FBLIM1: variants seen among roughly 807,000 people sequenced by gnomAD.
FBLIM1 encodes filamin binding LIM protein 1, also known as filamin-binding LIM protein 1.
Under a neutral mutation model 37.4 loss-of-function variants are expected in FBLIM1, and 29 were observed. The observed-to-expected ratio is 0.77, with a 90% CI of 0.58 to 1.06. The LOEUF (loss-of-function observed/expected upper bound fraction) is 1.06. Among genes scored for constraint, FBLIM1 ranks in the 50% least tolerant of loss-of-function variants. FBLIM1 has a pLI of 0.00. For missense variants in FBLIM1, 449 were observed against 505.6 expected (o/e 0.89, Z 1.07); for synonymous variants, 193 against 199.0 (o/e 0.97, Z 0.25).
At position 15,767,276 on chromosome 1, in the gene FBLIM1, G is replaced by A. The variant is rs1411431215; in HGVS notation, c.251-100G>A. 1.8e-5 allele frequency: 20 copies of A among 1,085,886 alleles called. No homozygotes were observed. In the Admixed American group the frequency reaches 2.9e-4, roughly 16 times the overall value. The allele number at this position is 1,085,886 out of a possible 1,614,324, so 67.3% of individuals were successfully genotyped here. Reference sequence around the variant, plus strand: ...AACCCAGGCCGGGGTGATCCCGACCGGGGCCCTCAGCTTCCCTCTGTATGG... The same window carrying A: ...AACCCAGGCCGGGGTGATCCCGACCAGGGCCCTCAGCTTCCCTCTGTATGG... On this transcript the variant is annotated intron_variant, in intron 3 of 8. Transcript: ENST00000375766.
chr1:15,764,051 C>T (rs759728340), intron 1 of FBLIM1, among the ~76,000 whole-genome samples: 2 of 152,208 alleles, frequency 1.3e-5, no homozygotes, highest in Non-Finnish European at 2.9e-5. Context: ...GCCCCCTGCC[C>T]ACTGCCCAGG....
intron 8 of FBLIM1, among the ~76,000 whole-genome samples, chr1:15,781,102 C>T (rs969211628): frequency 6.6e-6 from 1 of 152,078 alleles, no homozygotes; most frequent in South Asian, 2.1e-4. Context: ...GGCATGGTGG[C>T]TCATGCTGGT....
intron 4 of FBLIM1, 71 bp downstream of exon 4, chr1:15,767,634 C>T (rs2068993025): frequency 5.4e-6 from 3 of 558,818 alleles, no homozygotes; most frequent in Non-Finnish European, 9.4e-6. Context: ...TCTGGGCCTT[C>T]TGGGCATTCA....
At chr1:15,771,110 T>G (rs1171615524) in intron 6 of FBLIM1, among the ~76,000 whole-genome samples, 1 of 151,998 alleles carries the variant, frequency 6.6e-6, no homozygotes, top group East Asian at 1.9e-4. Context: ...CGGCTAATTT[T>G]TGTATTTTTG....
chr1:15,782,011 C>T (rs554353830), intron 8 of FBLIM1, among the ~76,000 whole-genome samples: 2 of 152,010 alleles, frequency 1.3e-5, no homozygotes, highest in East Asian at 2.0e-4. Flanking sequence ...AGCCACCGCA[C>T]CTGGCCTGTA....
chr1:15,769,246 G>A (rs1177838590), intron 5 of FBLIM1, among the ~76,000 whole-genome samples: 1 of 152,172 alleles, frequency 6.6e-6, no homozygotes, highest in Non-Finnish European at 1.5e-5. Context: ...GGAGGCTGAG[G>A]CAGGTGGATC....
intron 1 of FBLIM1, among the ~76,000 whole-genome samples, chr1:15,761,333 T>C (rs1368807911): frequency 6.6e-6 from 1 of 152,116 alleles, no homozygotes; most frequent in Admixed American, 6.6e-5. Flanking sequence ...GAATTCCGAG[T>C]GCCATGGATG....
chr1:15,783,128 T>C (rs2069685888), intron 8 of FBLIM1, among the ~76,000 whole-genome samples: 2 of 152,006 alleles, frequency 1.3e-5, no homozygotes, highest in African/African-American at 4.8e-5. Context: ...TCAGTGCAGC[T>C]TCCAAAGGGT....
chr1:15,771,458 G>C (rs1331097753), intron 6 of FBLIM1, among the ~76,000 whole-genome samples: 2 of 151,920 alleles, frequency 1.3e-5, no homozygotes, highest in East Asian at 3.9e-4. Context: ...CTTTGGCCAG[G>C]CTGGTCTCAA....
chr1:15,760,472 G>A (rs1408442954), intron 1 of FBLIM1, among the ~76,000 whole-genome samples: 9 of 145,824 alleles, frequency 6.2e-5, no homozygotes, highest in African/African-American at 2.3e-4. Context: ...GGAGGTTTCA[G>A]TGAGCTGAGA....
intron 8 of FBLIM1, among the ~76,000 whole-genome samples, chr1:15,781,142 G>C (rs988442805): frequency 1.4e-4 from 21 of 152,146 alleles, no homozygotes; most frequent in African/African-American, 5.1e-4. Context: ...GCTGAGGCAG[G>C]CGGTCAAGAG....
intron 8 of FBLIM1, among the ~76,000 whole-genome samples, chr1:15,778,247 G>T (rs2069548375): frequency 6.6e-6 from 1 of 152,132 alleles, no homozygotes; most frequent in Non-Finnish European, 1.5e-5. Context: ...GCCTTTTCCA[G>T]GTGCTGGGCA....
rs762107020 is a variant in FBLIM1 at position 15,768,558 on chromosome 1, G to A, written c.469G>A (p.Gly157Ser). The A allele has an allele frequency of 1.8e-5, 29 of 1,608,298 alleles. 1 individual carries two copies. The highest frequency in any genetic ancestry group is 1.8e-4 in the South Asian group (16 of 90,162). Residue 157 changes from glycine (G) to serine (S), a missense_variant, in exon 5 of 9, where the codon GGT becomes AGT. By Grantham distance (56) the Gly-to-Ser change is moderately conservative (BLOSUM62 0). Coordinates refer to ENST00000375766, the MANE Select transcript of FBLIM1 (RefSeq NM_017556.4). ...APAEGPSVQP[G>S]PLRPMEEELP... ...AGCGGAGGGACCTTCAGTCCAGCCCGGTCCCCTCAGGCCCATGGAGGAAGA... is the reference window on the plus strand; with the variant it reads ...AGCGGAGGGACCTTCAGTCCAGCCCAGTCCCCTCAGGCCCATGGAGGAAGA...
intron 1 of FBLIM1, among the ~76,000 whole-genome samples, chr1:15,760,894 G>T (rs1437811051): frequency 6.6e-6 from 1 of 152,198 alleles, no homozygotes; most frequent in Non-Finnish European, 1.5e-5. Context: ...CCTGCTCCCA[G>T]CTGAATCGGT....
At chr1:15,763,298 G>T (rs1160786386) in intron 1 of FBLIM1, among the ~76,000 whole-genome samples, 1 of 151,816 alleles carries the variant, frequency 6.6e-6, no homozygotes, top group African/African-American at 2.4e-5. Context: ...TCGAACTCCA[G>T]ACCTCAGGTG....
At chr1:15,767,843 C>T (rs931688103) in intron 4 of FBLIM1, among the ~76,000 whole-genome samples, 2 of 152,108 alleles carry the variant, frequency 1.3e-5, no homozygotes, top group African/African-American at 2.4e-5. Context: ...TCCCTGAGTC[C>T]GACCTAAATC....
chr1:15,773,911 C>T (rs1174742028), intron 6 of FBLIM1, among the ~76,000 whole-genome samples: 2 of 151,828 alleles, frequency 1.3e-5, no homozygotes, highest in African/African-American at 2.4e-5. Flanking sequence ...GGGAAGCTAA[C>T]GTGGGTTGAT....
chr1:15,781,650 C>CT (rs529592750), intron 8 of FBLIM1, among the ~76,000 whole-genome samples: 61 of 150,946 alleles, frequency 4.0e-4, no homozygotes, highest in African/African-American at 1.3e-3. Context: ...TTTCTACTTG[C>CT]TTTGGGGTCC....
At chr1:15,768,466 GA>G (rs1471662415) in intron 4 of FBLIM1, 61 bp from the exon 5 acceptor site, 3 of 1,169,832 alleles carry the variant, frequency 2.6e-6, no homozygotes, top group Non-Finnish European at 3.5e-6. Flanking sequence ...CCCAGATGAG[GA>G]ACAGAGCTGG....
Sources: allele counts gnomAD v4.1 joint callset (sites outside exome capture counted in the v4.1 genomes callset), GRCh38; gene constraint gnomAD v4.1.1; transcripts MANE v1.5; gene names NCBI Gene and HGNC (gene_info 2026-07-23, HGNC 2026-07-21).